The following CUBN variants were observed in gnomAD, a reference collection of about 807,000 sequenced individuals.
The protein encoded by CUBN is 460 kDa receptor.
Under a neutral mutation model 405.3 loss-of-function variants are expected in CUBN, and 282 were observed. The ratio of observed to expected loss-of-function variants is 0.70; its 90% confidence interval spans 0.63 to 0.77. The LOEUF is 0.77. CUBN is among the 30% of genes least tolerant of loss of function. The pLI is 0.00. For missense variants in CUBN, 4,514 were observed against 4,475.2 expected (o/e 1.01, Z -0.25); for synonymous variants, 1,684 against 1,617.0 (o/e 1.04, Z -0.99).
intron 31 of CUBN, among the ~76,000 whole-genome samples, chr10:16,959,322 C>A: frequency 1.3e-5 from 2 of 152,266 alleles, no homozygotes; most frequent in Middle Eastern, 3.4e-3. Flanking sequence ...GTTTTTAACA[C>A]TTATAATATC....
At chr10:17,021,167 G>C (rs1293450091) in intron 27 of CUBN, among the ~76,000 whole-genome samples, 1 of 151,730 alleles carries the variant, frequency 6.6e-6, no homozygotes, top group Non-Finnish European at 1.5e-5. Flanking sequence ...CTTGTAAATT[G>C]TTTACTGATG....
intron 56 of CUBN, among the ~76,000 whole-genome samples, chr10:16,885,128 G>C (rs144701835): frequency 1.3e-5 from 2 of 152,162 alleles, no homozygotes. Flanking sequence ...TCTGTAGCTC[G>C]GTGATGGTAT....
intron 17 of CUBN, among the ~76,000 whole-genome samples, chr10:17,076,625 C>T (rs773516753): frequency 4.6e-5 from 7 of 152,164 alleles, no homozygotes; most frequent in South Asian, 4.1e-4. Context: ...TACTGCCATA[C>T]GGAGAATTAA....
intron 36 of CUBN, among the ~76,000 whole-genome samples, chr10:16,944,729 C>T (rs1254020098): frequency 2.0e-5 from 3 of 152,188 alleles, no homozygotes; most frequent in African/African-American, 4.8e-5. Context: ...TGAGTCATTA[C>T]GATGTTCTAT....
At chr10:16,974,547 A>C (rs1833036235) in intron 31 of CUBN, among the ~76,000 whole-genome samples, 1 of 150,734 alleles carries the variant, frequency 6.6e-6, no homozygotes, top group African/African-American at 2.4e-5. Flanking sequence ...TGCTTTTTAT[A>C]TTTTTAGTAG....
At chr10:16,934,688 T>C (rs1289107654) in intron 39 of CUBN, among the ~76,000 whole-genome samples, 1 of 152,056 alleles carries the variant, frequency 6.6e-6, no homozygotes, top group Non-Finnish European at 1.5e-5. Context: ...AGAGAGGCCA[T>C]TTGACCAGTT....
At position 16,854,829 on chromosome 10, in the gene CUBN, G is replaced by A. The variant is rs187528595; in HGVS notation, c.9455-3386C>T. Among the ~76,000 whole-genome samples, 65 of 152,128 alleles carry A rather than the reference G, an allele frequency of 4.3e-4. 1 individual carries two copies. Among genetic ancestry groups the A allele is most frequent in the Middle Eastern group, 3.4e-3 (1 of 294 alleles). ...TAAAGCAGCACACCCACATTCCAGGGAACCCCAGAACAAGCATCCTTAAAT... is the reference window on the plus strand; with the variant it reads ...TAAAGCAGCACACCCACATTCCAGGAAACCCCAGAACAAGCATCCTTAAAT... On this transcript the variant is annotated intron_variant, in intron 59 of 66. Coordinates refer to ENST00000377833, the MANE Select transcript of CUBN (RefSeq NM_001081.4).
chr10:16,934,326 G>C (rs1842440344), intron 39 of CUBN, among the ~76,000 whole-genome samples: 1 of 152,136 alleles, frequency 6.6e-6, no homozygotes, highest in Non-Finnish European at 1.5e-5. Context: ...ATATTTCAGA[G>C]ATCCAATCTT....
rs538476204 is a variant in CUBN at position 16,917,846 on chromosome 10, T to A, written c.7000+776A>T. ...CTTATTTTTAAAAAGTCATGGTTTT[T>A]AAAAAAGTTTTAACATATTCATTCT... is the stretch of plus-strand genomic sequence containing the variant. On this transcript the variant is annotated intron_variant, in intron 45 of 66. Coordinates refer to ENST00000377833, the MANE Select transcript of CUBN (RefSeq NM_001081.4). Among the ~76,000 whole-genome samples, 13 of 152,330 alleles carry A rather than the reference T, an allele frequency of 8.5e-5. No homozygotes were observed. The South Asian group carries it at 2.3e-3, about 27-fold the overall frequency.
rs141834956 is a variant in CUBN at position 16,939,031 on chromosome 10, C to T, written c.5665G>A (p.Val1889Ile). 40 of 1,613,610 alleles carry T rather than the reference C, an allele frequency of 2.5e-5. No individual in the cohort carries two copies. Among genetic ancestry groups the T allele is most frequent in the African/African-American group, 2.3e-4 (17 of 74,980 alleles). Residue 1889 changes from valine to isoleucine, a missense_variant, in exon 38 of 67, where the codon GTT becomes ATT. Val to Ile is a conservative substitution (Grantham distance 29, BLOSUM62 3). Around this residue, in one of 5 missense-constraint regions of CUBN, gnomAD observed 1,613 missense variants for 1,542.8 expected, o/e 1.05. Transcript: ENST00000377833. ...ATCTCCAAGATTCTACCATGGACAA[C>T]GTGAGATGCATTCACATTTACTGTC... ...QWTVNVNASH[V>I]VHGRILEMDI... is the part of the protein sequence containing the mutation.
intron 3 of CUBN, 112 bp from the exon 4 acceptor site, chr10:17,126,911 C>G: frequency 1.8e-6 from 2 of 1,081,554 alleles, no homozygotes; most frequent in South Asian, 2.6e-5. Flanking sequence ...ACACTTTGTT[C>G]ATTCCTCCTT....
intron 14 of CUBN, among the ~76,000 whole-genome samples, chr10:17,089,129 T>C (rs1470726178): frequency 6.6e-6 from 1 of 152,038 alleles, no homozygotes; most frequent in African/African-American, 2.4e-5. Flanking sequence ...TAGAAATAAG[T>C]GAGATAGGTA....
intron 14 of CUBN, among the ~76,000 whole-genome samples, chr10:17,090,480 C>T (rs1836230549): frequency 6.6e-6 from 1 of 150,940 alleles, no homozygotes; most frequent in South Asian, 2.1e-4. Context: ...ATATATTTTA[C>T]ATAATTATAA....
chr10:17,102,595 CTTTTT>C (rs11357524), intron 13 of CUBN, among the ~76,000 whole-genome samples: 2 of 63,118 alleles, frequency 3.2e-5, no homozygotes, highest in African/African-American at 5.9e-5. Context: ...CCTTGTTACT[CTTTTT>C]TTTTTTTTTT....
chr10:17,095,308 A>C (rs1051271446), intron 14 of CUBN, among the ~76,000 whole-genome samples: 1 of 152,086 alleles, frequency 6.6e-6, no homozygotes, highest in African/African-American at 2.4e-5. Context: ...CCAGGAAAAC[A>C]TACAGGAAAA....
In CUBN at chr10:17,065,580, C is replaced by T; in HGVS notation, c.3067G>A (p.Val1023Met). 2 of 1,613,634 alleles carry T rather than the reference C, an allele frequency of 1.2e-6. No individual in the cohort carries two copies. The highest frequency in any genetic ancestry group is 1.7e-5 in the Admixed American group (1 of 60,000). ...LTSSGNSLML[V>M]FVTDSDLAYE... ...GCGAGGTCGGAGTCAGTCACAAACACCAGCATCAATGAGTTACCACTGCTT... is the reference window on the plus strand; with the variant it reads ...GCGAGGTCGGAGTCAGTCACAAACATCAGCATCAATGAGTTACCACTGCTT... Residue 1023 changes from valine to methionine, a missense_variant, in exon 22 of 67, where the codon GTG becomes ATG. Coordinates refer to ENST00000377833, the MANE Select transcript of CUBN (RefSeq NM_001081.4).
chr10:16,980,083 GA>G (rs964126989), intron 31 of CUBN, among the ~76,000 whole-genome samples: 13 of 151,218 alleles, frequency 8.6e-5, no homozygotes, highest in African/African-American at 3.2e-4. Flanking sequence ...ACAAACATAT[GA>G]AAAAAAAAGT....
chr10:17,051,130 G>A (rs1325559240), intron 22 of CUBN, among the ~76,000 whole-genome samples: 2 of 152,014 alleles, frequency 1.3e-5, no homozygotes, highest in African/African-American at 4.8e-5. Context: ...AGGAGGTCAA[G>A]GCAGGTGGAT....
At chr10:17,107,735 G>C (rs1028892130) in intron 10 of CUBN, among the ~76,000 whole-genome samples, 1 of 151,932 alleles carries the variant, frequency 6.6e-6, no homozygotes, top group Non-Finnish European at 1.5e-5. Flanking sequence ...CTGACCTCGT[G>C]ATCCACCTGC....
Sources: gnomAD v4.1 joint callset for allele counts (sites outside exome capture counted in the v4.1 genomes callset) on GRCh38, gnomAD v4.1.1 for gene constraint, gnomAD v4.1.1 regional missense constraint, MANE v1.5 for transcripts, NCBI Gene and HGNC (gene_info 2026-07-23, HGNC 2026-07-21) for gene names.